THRB: variants seen among roughly 807,000 people sequenced by gnomAD.
THRB encodes the protein thyroid hormone receptor beta, also known as nuclear receptor subfamily 1 group A member 2.
A neutral mutation model predicts 47.8 loss-of-function variants in THRB; 12 were observed. That is an observed-to-expected ratio of 0.25 (90% CI 0.16 to 0.41). THRB has a LOEUF of 0.41. THRB is among the 10% of genes least tolerant of loss of function. The pLI is 1.00. For synonymous variants in THRB, 218 were observed against 212.2 expected (o/e 1.03, Z -0.24); for missense variants, 348 against 589.2 (o/e 0.59, Z 4.24).
At chr3:24,433,829 T>C (rs1448260654) in intron 1 of THRB, among the ~76,000 whole-genome samples, 1 of 152,156 alleles carries the variant, frequency 6.6e-6, no homozygotes, top group Admixed American at 6.5e-5. Flanking sequence ...ATACTCCATG[T>C]ACATTAATGA....
chr3:24,198,992 T>C (rs1399493258), intron 4 of THRB, among the ~76,000 whole-genome samples: 1 of 152,216 alleles, frequency 6.6e-6, no homozygotes, highest in Non-Finnish European at 1.5e-5. Context: ...ATAATCATAA[T>C]AATGTTAGTG....
chr3:24,269,439 ACACTT>A (rs2053076398), intron 3 of THRB, among the ~76,000 whole-genome samples: 2 of 134,992 alleles, frequency 1.5e-5, no homozygotes, highest in African/African-American at 6.0e-5. Flanking sequence ...ACACACACAC[ACACTT>A]AAGTTATCTT....
intron 3 of THRB, among the ~76,000 whole-genome samples, chr3:24,280,136 G>C (rs2054397213): frequency 6.6e-6 from 1 of 152,178 alleles, no homozygotes; most frequent in Non-Finnish European, 1.5e-5. Flanking sequence ...AACAGCTCTG[G>C]TCTACAGCTC....
At chr3:24,415,386 A>T (rs1011839998) in intron 1 of THRB, among the ~76,000 whole-genome samples, 1 of 151,860 alleles carries the variant, frequency 6.6e-6, no homozygotes, top group Non-Finnish European at 1.5e-5. Flanking sequence ...TAGCTTGCAA[A>T]CAGGGTAAAA....
At chr3:24,164,662 C>T (rs2039386454) in intron 5 of THRB, among the ~76,000 whole-genome samples, 1 of 152,120 alleles carries the variant, frequency 6.6e-6, no homozygotes, top group Admixed American at 6.6e-5. Flanking sequence ...TAATCTGAAC[C>T]TGAACTAGAG....
chr3:24,190,440 C>T, intron 4 of THRB, 106 bp from the exon 5 acceptor site: 1 of 1,380,856 alleles, frequency 7.2e-7, no homozygotes, highest in Non-Finnish European at 1.0e-6. Flanking sequence ...TTTGGGCTGA[C>T]AGTATTCACA....
At chr3:24,294,880 G>A (rs985825358) in intron 3 of THRB, among the ~76,000 whole-genome samples, 1 of 152,204 alleles carries the variant, frequency 6.6e-6, no homozygotes, top group African/African-American at 2.4e-5. Context: ...CTAGCAGCAT[G>A]CTGCTTTCTA....
chr3:24,287,079 G>T (rs1432874081), intron 3 of THRB, among the ~76,000 whole-genome samples: 4 of 152,152 alleles, frequency 2.6e-5, no homozygotes, highest in Non-Finnish European at 2.9e-5. Context: ...GGAAATCCAG[G>T]CTTTTGCAGA....
chr3:24,365,485 T>C (rs2064395066), intron 1 of THRB, among the ~76,000 whole-genome samples: 1 of 152,180 alleles, frequency 6.6e-6, no homozygotes, highest in East Asian at 1.9e-4. Context: ...CCCCGGGCAG[T>C]TCAATCTTTA....
chr3:24,194,103 T>G (rs1575759166), intron 4 of THRB, among the ~76,000 whole-genome samples: 1 of 152,138 alleles, frequency 6.6e-6, no homozygotes, highest in African/African-American at 2.4e-5. Context: ...GAATGATACA[T>G]TGGACTTTGG....
intron 3 of THRB, among the ~76,000 whole-genome samples, chr3:24,285,079 T>A (rs2055115347): frequency 6.6e-6 from 1 of 151,890 alleles, no homozygotes; most frequent in Admixed American, 6.6e-5. Context: ...ATCCCATTAC[T>A]GGGTATATAC....
At chr3:24,228,404 C>T (rs1036135130) in intron 4 of THRB, among the ~76,000 whole-genome samples, 1 of 152,098 alleles carries the variant, frequency 6.6e-6, no homozygotes, top group Non-Finnish European at 1.5e-5. Context: ...CAGCCAACTT[C>T]TGAAAATATA....
chr3:24,388,802 T>C (rs992298583), intron 1 of THRB, among the ~76,000 whole-genome samples: 4 of 152,108 alleles, frequency 2.6e-5, no homozygotes. Flanking sequence ...GGCTACTTCC[T>C]TGATTAGCCT....
chr3:24,371,358 C>T (rs971825664), intron 1 of THRB, among the ~76,000 whole-genome samples: 2 of 152,094 alleles, frequency 1.3e-5, no homozygotes, highest in Admixed American at 6.6e-5. Flanking sequence ...AACTATTAAA[C>T]ATAACATTAT....
At chr3:24,270,011 T>G (rs139974674) in intron 3 of THRB, among the ~76,000 whole-genome samples, 1 of 152,316 alleles carries the variant, frequency 6.6e-6, no homozygotes, top group East Asian at 1.9e-4. Flanking sequence ...CTATGCTATT[T>G]AAGGTTTTAC....
chr3:24,417,326 C>T (rs1345514203), intron 1 of THRB, among the ~76,000 whole-genome samples: 1 of 151,940 alleles, frequency 6.6e-6, no homozygotes, highest in African/African-American at 2.4e-5. Flanking sequence ...CCACAATACA[C>T]TGTTCCTGTC....
rs1671806947 is a variant in THRB at position 24,334,741 on chromosome 3, G to A, written c.-189+2559C>T. On this transcript the variant is annotated intron_variant, in intron 2 of 10. Transcript: ENST00000646209. ...CAGGAGGGACATTTCTTTTGGGGGAGTGGCTGAAGCTAAGACTATCCATAA... is the reference window on the plus strand; with the variant it reads ...CAGGAGGGACATTTCTTTTGGGGGAATGGCTGAAGCTAAGACTATCCATAA... 2.6e-5 allele frequency among the ~76,000 whole-genome samples: 4 copies of A among 152,290 alleles called. No homozygotes were observed. The South Asian group carries it at 6.2e-4, about 24-fold the overall frequency.
chr3:24,417,132 A>G (rs879303950), intron 1 of THRB, among the ~76,000 whole-genome samples: 781 of 40,204 alleles, frequency 0.019, 11 homozygotes, highest in Non-Finnish European at 0.041. Flanking sequence ...ACACACACAC[A>G]CACACACGCG....
At chr3:24,425,517 A>C (rs545724964) in intron 1 of THRB, among the ~76,000 whole-genome samples, 11 of 152,092 alleles carry the variant, frequency 7.2e-5, no homozygotes, top group African/African-American at 2.2e-4. Flanking sequence ...TAAGAAAAAT[A>C]TCATAAATAC....
Sources: allele counts gnomAD v4.1 joint callset (sites outside exome capture counted in the v4.1 genomes callset), GRCh38; gene constraint gnomAD v4.1.1; transcripts MANE v1.5; gene names NCBI Gene and HGNC (gene_info 2026-07-23, HGNC 2026-07-21).